PAPOLG: variants seen among roughly 807,000 people sequenced by gnomAD.
PAPOLG encodes the protein PAP-gamma.
PAPOLG carries 40 observed loss-of-function variants against 99.0 expected under a neutral mutation model. That is an observed-to-expected ratio of 0.40 (90% CI 0.31 to 0.53). PAPOLG has a LOEUF of 0.53. Ranked by LOEUF, PAPOLG falls within the 20% of genes least tolerant of loss-of-function variation. The pLI, the probability that PAPOLG is intolerant of heterozygous loss-of-function variation, is 0.41. For synonymous variants in PAPOLG, 310 were observed against 299.3 expected, an observed-to-expected ratio of 1.04 and a Z score of -0.37; for missense variants, 675 against 884.1, an observed-to-expected ratio of 0.76 and a Z score of 3.00.
chr2:60,783,563 T>C (rs1671266305), intron 13 of PAPOLG, among the ~76,000 whole-genome samples: 1 of 130,166 alleles, frequency 7.7e-6, no homozygotes, highest in Admixed American at 9.4e-5. Flanking sequence ...CAGACTGGAG[T>C]GTAGTGGCAT....
chr2:60,785,641 G>A (rs184173690), intron 13 of PAPOLG, among the ~76,000 whole-genome samples: 131 of 151,440 alleles, frequency 8.7e-4, no homozygotes, highest in Non-Finnish European at 6.8e-4. Flanking sequence ...TCCTGCCTCG[G>A]CTCCCCAAGT....
At chr2:60,791,453 G>A (rs1210273613) in intron 15 of PAPOLG, 1 of 176,658 alleles carries the variant, frequency 5.7e-6, no homozygotes, top group African/African-American at 2.4e-5. Flanking sequence ...TCGGGAGGCT[G>A]AGGCAGGAGA....
chr2:60,758,375 G>A (rs1359860046), intron 1 of PAPOLG, among the ~76,000 whole-genome samples: 1 of 122,892 alleles, frequency 8.1e-6, no homozygotes, highest in Non-Finnish European at 1.7e-5. Context: ...AGGTATACAG[G>A]CTATTTTATC....
In PAPOLG at chr2:60,761,755, G is replaced by A. The variant is rs765687803; in HGVS notation, c.194G>A (p.Gly65Asp). 1.0e-5 allele frequency: 16 copies of A among 1,603,966 alleles called. No individual in the cohort carries two copies. The Admixed American group carries it at 1.5e-4, about 15-fold the overall frequency. Reference protein sequence around the residue: ...EELNHRLVVLGKLNNLVKEWI... With the variant: ...EELNHRLVVLDKLNNLVKEWI... ...TTTTTTTATAGGCTGGTGGTTCTTG[G>A]TAAATTGAACAATTTAGTAAAAGAA... Residue 65 changes from glycine (G) to aspartate (D), a missense_variant, in exon 3 of 22, where the codon GGT (glycine) becomes GAT (aspartate). Around this residue, in one of 3 missense-constraint regions of PAPOLG, gnomAD observed 149 missense variants for 192.1 expected, o/e 0.78. Transcript: ENST00000238714.
At chr2:60,785,867 A>T (rs752931643) in intron 13 of PAPOLG, among the ~76,000 whole-genome samples, 2 of 151,998 alleles carry the variant, frequency 1.3e-5, no homozygotes, top group Non-Finnish European at 2.9e-5. Flanking sequence ...TAAGATTTGA[A>T]GGTAGAAAAA....
At chr2:60,795,115 G>A in intron 21 of PAPOLG, 95 bp downstream of exon 21, 1 of 1,078,342 alleles carries the variant, frequency 9.3e-7, no homozygotes, top group Non-Finnish European at 1.4e-6. Context: ...CTAGCACTGG[G>A]AAAAAGTAAG....
At position 60,756,355 on chromosome 2, in the gene PAPOLG, T is replaced by G; in HGVS notation, c.-124T>G. 1 of 1,230,830 alleles carries G rather than the reference T, an allele frequency of 8.1e-7. No individual in the cohort carries two copies. The highest frequency in any genetic ancestry group is 1.2e-6 in the Non-Finnish European group (1 of 836,916). The allele number at this position is 1,230,830 out of a possible 1,614,324, so 76.2% of individuals were successfully genotyped here. On this transcript the variant is annotated 5_prime_UTR_variant, in exon 1 of 22. Transcript: ENST00000238714. ...GGTTGGATGCCTCAGCCATAGTAAG[T>G]GGGAAAGTGAGCGAGCAAGCGAGCT...
rs1671383384 is a variant in PAPOLG, at chr2:60,787,031, C to T, written c.1251C>T (p.Pro417=). ...TTATTACTCTTGCCCATGTGAATCC[C>T]CAGTCATTCCCAGGGAATAAGGAAC... ...NEFITLAHVN[P]QSFPGNKEHH... is the part of the protein sequence containing the mutation. Residue 417 remains proline, a synonymous_variant, in exon 14 of 22, where the codon CCC becomes CCT. Transcript: ENST00000238714. 6.2e-7 allele frequency: 1 copy of T among 1,611,594 alleles called. No individual in the cohort carries two copies. The highest frequency in any genetic ancestry group is 8.5e-7 in the Non-Finnish European group (1 of 1,178,236).
intron 21 of PAPOLG, among the ~76,000 whole-genome samples, chr2:60,795,989 G>C (rs1288033589): frequency 6.6e-6 from 1 of 152,120 alleles, no homozygotes. Flanking sequence ...CCAAACAATT[G>C]CAGCAAAATT....
intron 8 of PAPOLG, among the ~76,000 whole-genome samples, chr2:60,775,880 C>T (rs912777020): frequency 1.3e-5 from 2 of 152,032 alleles, no homozygotes. Context: ...TCTCCTGCCT[C>T]AGCCTACCAA....
chr2:60,791,706 CAG>C, intron 15 of PAPOLG, 53 bp from the exon 16 acceptor site: 1 of 1,548,082 alleles, frequency 6.5e-7, no homozygotes, highest in Non-Finnish European at 8.7e-7. Flanking sequence ...AAAAATTAGG[CAG>C]AACCCTTGGT....
rs530850920 is a variant in PAPOLG, at chr2:60,795,259, T to A, written c.2112+239T>A. 211 of 628,144 alleles carry A rather than the reference T, an allele frequency of 3.4e-4. 1 individual carries two copies. The highest frequency in any genetic ancestry group is 3.0e-3 in the African/African-American group (166 of 55,052). The allele number at this position is 628,144 out of a possible 1,614,324, so 38.9% of individuals were successfully genotyped here. A position where few individuals can be genotyped will look rare whatever the true frequency, so the allele number is the denominator to read the frequency against. Reference sequence around the variant, plus strand: ...AGACAACTTTATTATCTATTTAGATTATGTTCACCCTTTGTTTTTTATCTT... The same window carrying A: ...AGACAACTTTATTATCTATTTAGATAATGTTCACCCTTTGTTTTTTATCTT... On this transcript the variant is annotated intron_variant, in intron 21 of 21. Coordinates refer to ENST00000238714, the MANE Select transcript of PAPOLG (RefSeq NM_022894.4).
intron 11 of PAPOLG, 163 bp from the exon 12 acceptor site, chr2:60,782,523 C>A (rs774399985): frequency 4.6e-6 from 4 of 878,518 alleles, no homozygotes; most frequent in Non-Finnish European, 5.5e-6. Context: ...ATCCACCACA[C>A]TCCAGCCTGG....
chr2:60,782,143 G>A, intron 11 of PAPOLG, 138 bp downstream of exon 11: 1 of 944,920 alleles, frequency 1.1e-6, no homozygotes, highest in Non-Finnish European at 1.6e-6. Context: ...TGGTTATTTT[G>A]TTTTTTAGTA....
intron 13 of PAPOLG, among the ~76,000 whole-genome samples, chr2:60,784,359 G>A (rs1039567476): frequency 6.6e-6 from 1 of 152,218 alleles, no homozygotes; most frequent in African/African-American, 2.4e-5. Flanking sequence ...AGGAGATAAT[G>A]GCTTAAATCT....
chr2:60,779,545 G>A (rs1573238773), intron 8 of PAPOLG, 92 bp from the exon 9 acceptor site: 16 of 1,339,894 alleles, frequency 1.2e-5, no homozygotes, highest in Middle Eastern at 4.0e-4. Flanking sequence ...TGAATGTCAC[G>A]GATATTCATT....
At chr2:60,761,838 TTTTATTATATC>T in intron 3 of PAPOLG, 31 bp downstream of exon 3, 1 of 1,459,740 alleles carries the variant, frequency 6.9e-7, no homozygotes, top group Non-Finnish European at 9.5e-7. Context: ...GAATTCTTGT[TTTTATTATATC>T]TTGGCCATTC....
chr2:60,781,820 G>T, intron 10 of PAPOLG, 65 bp from the exon 11 acceptor site: 2 of 1,595,996 alleles, frequency 1.3e-6, no homozygotes, highest in South Asian at 2.2e-5. Flanking sequence ...CAGACTTTTG[G>T]GGAAATGAAG....
chr2:60,797,167 T>C lies in PAPOLG; in HGVS notation c.*7T>C, dbSNP rs756038691. 1.9e-6 allele frequency: 3 copies of C among 1,613,782 alleles called. No individual in the cohort carries two copies. The African/African-American group carries it at 4.0e-5, about 22-fold the overall frequency. ...ACTGACCCTTAATCGGTAAAAGCAG[T>C]GCCTCCTCACTTAAGTGAACAAGCA... On this transcript the variant is annotated 3_prime_UTR_variant, in exon 22 of 22. Coordinates refer to ENST00000238714, the MANE Select transcript of PAPOLG (RefSeq NM_022894.4).
Sources: gnomAD v4.1 joint callset for allele counts (sites outside exome capture counted in the v4.1 genomes callset) on GRCh38, gnomAD v4.1.1 for gene constraint, gnomAD v4.1.1 regional missense constraint, MANE v1.5 for transcripts, NCBI Gene and HGNC (gene_info 2026-07-23, HGNC 2026-07-21) for gene names.